The following NPLOC4 variants were observed in gnomAD, a reference collection of about 807,000 sequenced individuals.
NPLOC4 encodes the protein nuclear protein localization protein 4 homolog.
A neutral mutation model predicts 80.6 loss-of-function variants in NPLOC4; 18 were observed. The ratio of observed to expected loss-of-function variants is 0.22; its 90% CI spans 0.15 to 0.33. The LOEUF is 0.33. NPLOC4 is among the 10% of genes least tolerant of loss of function. The pLI is 1.00. For synonymous variants in NPLOC4, 313 were observed against 301.5 expected, an observed-to-expected ratio of 1.04 and a Z score of -0.39; for missense variants, 540 against 786.1, an observed-to-expected ratio of 0.69 and a Z score of 3.74.
chr17:81,624,023 G>A (rs1358068584), intron 2 of NPLOC4, among the ~76,000 whole-genome samples: 1 of 151,994 alleles, frequency 6.6e-6, no homozygotes, highest in Non-Finnish European at 1.5e-5. Flanking sequence ...GGTGGCTCAT[G>A]TCTGCAATCC....
At chr17:81,622,316 G>T in intron 2 of NPLOC4, 38 bp from the exon 3 acceptor site, 1 of 1,439,946 alleles carries the variant, frequency 6.9e-7, no homozygotes, top group Non-Finnish European at 9.8e-7. Context: ...TTAATGAAAT[G>T]CTAAAGTATC....
intron 12 of NPLOC4, among the ~76,000 whole-genome samples, chr17:81,583,981 C>T (rs1383644761): frequency 1.3e-5 from 2 of 152,146 alleles, no homozygotes; most frequent in African/African-American, 2.4e-5. Context: ...AAACACATAC[C>T]TTTAGTAACC....
In NPLOC4 at chr17:81,567,399, C is replaced by T; in HGVS notation, c.1566+18G>A. On this transcript the variant is annotated intron_variant, in intron 15 of 16. Transcript: ENST00000331134. This position sits in a 1 kb window ranked among gnomAD's most constrained non-coding sequence, Gnocchi z 4.5. ...CAAAGCCCACTTGCTCAAGTGGACA[C>T]CACACTTGGACACGCACCTGCAGAG... The T allele has an allele frequency of 6.6e-7, 1 of 1,516,928 alleles. No homozygotes were observed. Among genetic ancestry groups the T allele is most frequent in the Non-Finnish European group, 9.1e-7 (1 of 1,094,090 alleles). The allele number at this position is 1,516,928 out of a possible 1,614,324, so 94.0% of individuals were successfully genotyped here. A position where few individuals can be genotyped will look rare whatever the true frequency, so the allele number is the denominator to read the frequency against.
At chr17:81,585,671 G>GC (rs1455119376) in intron 12 of NPLOC4, among the ~76,000 whole-genome samples, 1 of 141,788 alleles carries the variant, frequency 7.1e-6, no homozygotes, top group Non-Finnish European at 1.5e-5. Flanking sequence ...TGGGGGGGGG[G>GC]GGAAAGAAAG....
chr17:81,560,528 G>A (rs1371789014), intron 16 of NPLOC4: 3 of 152,258 alleles, frequency 2.0e-5, no homozygotes, highest in African/African-American at 4.8e-5. Flanking sequence ...CTAACATGGT[G>A]AAACCCCGTC....
At position 81,604,538 on chromosome 17, in the gene NPLOC4, T is replaced by A; in HGVS notation, c.834+10A>T. The A allele has an allele frequency of 6.2e-7, 1 of 1,609,302 alleles. No homozygotes were observed. Among genetic ancestry groups the A allele is most frequent in the Non-Finnish European group, 8.5e-7 (1 of 1,177,998 alleles). ...CAGAAACTCAGGAACTTGAATCCCG[T>A]CATGTTTACCTGAGGTGGCTCATAA... On this transcript the variant is annotated intron_variant, in intron 8 of 16. Coordinates refer to ENST00000331134, the MANE Select transcript of NPLOC4 (RefSeq NM_017921.4).
rs73369234 is a variant in NPLOC4 at position 81,572,710 on chromosome 17, C to G, written c.1282-622G>C. Among the ~76,000 whole-genome samples, 6,826 of 152,314 alleles carry G rather than the reference C, an allele frequency of 0.045. 275 individuals are homozygous for G. The highest frequency in any genetic ancestry group is 0.22 in the East Asian group (1,152 of 5,176). On this transcript the variant is annotated intron_variant, in intron 12 of 16. Coordinates refer to ENST00000331134, the MANE Select transcript of NPLOC4 (RefSeq NM_017921.4). This position sits in a 1 kb window ranked among gnomAD's most constrained non-coding sequence, Gnocchi z 4.5. ...TGGCGCTTGGCCTGGCACTCAGGCGCGATCTGCGACAGGCAGAAGGGTCTG... is the reference window on the plus strand; with the variant it reads ...TGGCGCTTGGCCTGGCACTCAGGCGGGATCTGCGACAGGCAGAAGGGTCTG...
At chr17:81,601,134 C>G (rs2035047869) in intron 8 of NPLOC4, among the ~76,000 whole-genome samples, 1 of 152,300 alleles carries the variant, frequency 6.6e-6, no homozygotes, top group East Asian at 1.9e-4. Context: ...CATTAATGTT[C>G]ACTTAAATGT....
In NPLOC4 at chr17:81,604,725, C is replaced by T. The variant is rs112716983; in HGVS notation, c.657G>A (p.Lys219=). 0.017 allele frequency: 26,969 copies of T among 1,611,506 alleles called. 276 individuals carry two copies. The highest frequency in any genetic ancestry group is 0.02 in the Non-Finnish European group (23,424 of 1,178,660). Residue 219 remains lysine (K), a splice_region_variant and synonymous_variant, in exon 8 of 17, where the codon AAG becomes AAA. Coordinates refer to ENST00000331134, the MANE Select transcript of NPLOC4 (RefSeq NM_017921.4). ...ACATGATATTGTCCACATGCCTGTACTTCTGTAGAGTTAACAAGAGTGGGC... is the reference window on the plus strand; with the variant it reads ...ACATGATATTGTCCACATGCCTGTATTTCTGTAGAGTTAACAAGAGTGGGC... ...QPSAITLNRQ[K]YRHVDNIMFE...
chr17:81,629,326 G>A (rs534374449), intron 2 of NPLOC4, among the ~76,000 whole-genome samples: 72 of 151,518 alleles, frequency 4.8e-4, no homozygotes, highest in Non-Finnish European at 3.1e-4. Context: ...CAAGTAGCTG[G>A]GATTACAGGC....
At chr17:81,604,975 T>A (rs540112755) in intron 7 of NPLOC4, among the ~76,000 whole-genome samples, 21 of 152,048 alleles carry the variant, frequency 1.4e-4, no homozygotes, top group Admixed American at 1.2e-3. Flanking sequence ...AAAATAAACA[T>A]CTGGGCTGGG....
intron 12 of NPLOC4, among the ~76,000 whole-genome samples, chr17:81,583,535 T>G (rs191141170): frequency 6.6e-6 from 1 of 152,344 alleles, no homozygotes; most frequent in East Asian, 1.9e-4. Flanking sequence ...GCCACCTGGC[T>G]GCCCCAGAGA....
chr17:81,600,565 A>G, intron 8 of NPLOC4, 138 bp from the exon 9 acceptor site: 6 of 656,898 alleles, frequency 9.1e-6, no homozygotes, highest in Non-Finnish European at 1.6e-5. Flanking sequence ...ATAGCCACAG[A>G]TAAAACACAT....
In NPLOC4 at chr17:81,575,670, G is replaced by A. The variant is rs1478667722; in HGVS notation, c.1282-3582C>T. ...CCCACACTACGTGCGCAGGCTCCCC[G>A]CCTCCCAAGTCAGTGCCGGTGCTGC... On this transcript the variant is annotated intron_variant, in intron 12 of 16. Coordinates refer to ENST00000331134, the MANE Select transcript of NPLOC4 (RefSeq NM_017921.4). 3.3e-5 allele frequency among the ~76,000 whole-genome samples: 5 copies of A among 152,136 alleles called. No homozygotes were observed. In the East Asian group the frequency reaches 7.7e-4, roughly 23 times the overall value.
chr17:81,623,565 G>A (rs989893350), intron 2 of NPLOC4, among the ~76,000 whole-genome samples: 6 of 151,054 alleles, frequency 4.0e-5, no homozygotes, highest in Non-Finnish European at 5.9e-5. Context: ...TTGGGAGGCC[G>A]AGGCAGGCGG....
rs1034034129 is a variant in NPLOC4, at chr17:81,572,426, C to T, written c.1282-338G>A. Among the ~76,000 whole-genome samples, 2 of 152,124 alleles carry T rather than the reference C, an allele frequency of 1.3e-5. No homozygotes were observed. Among genetic ancestry groups the T allele is most frequent in the Non-Finnish European group, 2.9e-5 (2 of 68,018 alleles). On this transcript the variant is annotated intron_variant, in intron 12 of 16. Coordinates refer to ENST00000331134, the MANE Select transcript of NPLOC4 (RefSeq NM_017921.4). This position sits in a 1 kb window ranked among gnomAD's most constrained non-coding sequence, Gnocchi z 4.5. ...CAGGATGGTCTCGATCTCCTGACCTCGTGATCCACCCGCCTCAGCCCCCCA... is the reference window on the plus strand; with the variant it reads ...CAGGATGGTCTCGATCTCCTGACCTTGTGATCCACCCGCCTCAGCCCCCCA...
chr17:81,589,152 AC>A, intron 11 of NPLOC4, 48 bp from the exon 12 acceptor site: 1 of 1,529,356 alleles, frequency 6.5e-7, no homozygotes, highest in Non-Finnish European at 9.0e-7. Flanking sequence ...GGCATTCAAA[AC>A]CAGTCCATAT....
chr17:81,597,794 A>G (rs2034955130), intron 9 of NPLOC4, among the ~76,000 whole-genome samples: 1 of 147,896 alleles, frequency 6.8e-6, no homozygotes, highest in Non-Finnish European at 1.5e-5. Context: ...AAAAAAAAAA[A>G]AAAAAAATTA....
At chr17:81,628,383 G>T (rs1047974506) in intron 2 of NPLOC4, among the ~76,000 whole-genome samples, 1 of 151,726 alleles carries the variant, frequency 6.6e-6, no homozygotes, top group Non-Finnish European at 1.5e-5. Context: ...GTATGGTGGC[G>T]GGTGCCTGTA....
Sources: allele counts gnomAD v4.1 joint callset (sites outside exome capture counted in the v4.1 genomes callset), GRCh38; gene constraint gnomAD v4.1.1; non-coding constraint Gnocchi (gnomAD v3.1); transcripts MANE v1.5; gene names NCBI Gene and HGNC (gene_info 2026-07-23, HGNC 2026-07-21).